The following ROBO2 variants were observed in gnomAD, a reference collection of about 807,000 sequenced individuals.
ROBO2 encodes the protein roundabout homolog 2.
A neutral mutation model predicts 160.8 loss-of-function variants in ROBO2; 53 were observed. The ratio of observed to expected loss-of-function variants is 0.33; its 90% CI spans 0.26 to 0.41. ROBO2 has a LOEUF of 0.41. Among genes scored for constraint, ROBO2 ranks in the 10% least tolerant of loss-of-function variants. The probability of loss-of-function intolerance (pLI) is 1.00; values close to 1 mark genes in which losing one functional copy is unlikely to be tolerated. For missense variants in ROBO2, 1,577 were observed against 1,722.4 expected (o/e 0.92, Z 1.49); for synonymous variants, 664 against 611.7 (o/e 1.09, Z -1.26).
intron 9 of ROBO2, 92 bp from the exon 11 acceptor site, chr3:77,562,559 T>G (rs2093355626): frequency 4.6e-6 from 4 of 864,076 alleles, no homozygotes; most frequent in Non-Finnish European, 5.7e-6. Context: ...TACATCTAAT[T>G]TTAAGAAATT....
chr3:77,629,425 G>A (rs11127601), intron 23 of ROBO2: 73,185 of 151,792 alleles, frequency 0.48, 17,892 homozygotes, highest in Middle Eastern at 0.63. Context: ...GACAGGAAAC[G>A]AAAGAAACTC....
intron 2 of ROBO2, among the ~76,000 whole-genome samples, chr3:77,138,394 T>C (rs2076445920): frequency 6.6e-6 from 1 of 152,342 alleles, no homozygotes; most frequent in South Asian, 2.1e-4. Context: ...TTTTTCTCGA[T>C]AGTAGTTTAG....
intron 2 of ROBO2, among the ~76,000 whole-genome samples, chr3:76,822,746 CA>C (rs1343060789): frequency 6.6e-6 from 1 of 151,336 alleles, no homozygotes; most frequent in East Asian, 1.9e-4. Context: ...GAAATGTGGG[CA>C]AAAAGGGGAA....
chr3:76,574,901 T>TA (rs1255129421), intron 2 of ROBO2, among the ~76,000 whole-genome samples: 1 of 152,130 alleles, frequency 6.6e-6, no homozygotes, highest in Non-Finnish European at 1.5e-5. Context: ...AAAACCTATT[T>TA]AAAAACTGTC....
chr3:76,839,544 G>C (rs191169017), intron 2 of ROBO2, among the ~76,000 whole-genome samples: 1 of 152,254 alleles, frequency 6.6e-6, no homozygotes, highest in Admixed American at 6.5e-5. Context: ...GATCTTTTTA[G>C]TGTATTGTCG....
intron 2 of ROBO2, among the ~76,000 whole-genome samples, chr3:76,227,789 A>G (rs748163462): frequency 1.3e-5 from 2 of 152,252 alleles, no homozygotes; most frequent in Admixed American, 6.5e-5. Context: ...GCTTTAACAC[A>G]TCCGCTGGGG....
intron 23 of ROBO2, among the ~76,000 whole-genome samples, chr3:77,628,081 G>A (rs996657626): frequency 2.0e-5 from 3 of 152,126 alleles, no homozygotes; most frequent in Non-Finnish European, 4.4e-5. Flanking sequence ...TACTTTAACA[G>A]CTTGAATACA....
intron 2 of ROBO2, among the ~76,000 whole-genome samples, chr3:76,391,218 T>C (rs755709169): frequency 3.9e-5 from 6 of 152,148 alleles, no homozygotes; most frequent in Non-Finnish European, 5.9e-5. Flanking sequence ...GCCGTATACA[T>C]CTGGCCATAG....
intron 2 of ROBO2, among the ~76,000 whole-genome samples, chr3:77,342,620 C>T (rs1041224852): frequency 6.6e-6 from 1 of 152,094 alleles, no homozygotes; most frequent in Non-Finnish European, 1.5e-5. Context: ...AGCTAGAAGA[C>T]TCCCCATTTG....
At chr3:76,327,821 A>G (rs1052618988) in intron 2 of ROBO2, among the ~76,000 whole-genome samples, 1 of 152,182 alleles carries the variant, frequency 6.6e-6, no homozygotes, top group Non-Finnish European at 1.5e-5. Flanking sequence ...ATATTGGATT[A>G]AAGAACATAT....
intron 1 of ROBO2, among the ~76,000 whole-genome samples, chr3:77,089,195 A>G (rs969422330): frequency 1.3e-5 from 2 of 152,222 alleles, no homozygotes; most frequent in African/African-American, 4.8e-5. Flanking sequence ...GTAAGAAGAA[A>G]AAGTCATCCT....
intron 2 of ROBO2, among the ~76,000 whole-genome samples, chr3:76,611,914 T>C (rs547234221): frequency 1.3e-5 from 2 of 152,350 alleles, no homozygotes; most frequent in Admixed American, 1.3e-4. Context: ...ACTTTCCTCT[T>C]GGTACTACTT....
chr3:76,589,950 G>A (rs2086308698), intron 2 of ROBO2, among the ~76,000 whole-genome samples: 1 of 152,044 alleles, frequency 6.6e-6, no homozygotes. Flanking sequence ...TCCACCTTTA[G>A]GCAGACAGCA....
chr3:76,474,573 G>A (rs922041328), intron 2 of ROBO2, among the ~76,000 whole-genome samples: 4 of 152,084 alleles, frequency 2.6e-5, no homozygotes, highest in African/African-American at 7.2e-5. Flanking sequence ...AGAGGAACAC[G>A]ACAATAAGTA....
intron 2 of ROBO2, among the ~76,000 whole-genome samples, chr3:76,665,231 G>A (rs1375855061): frequency 6.6e-6 from 1 of 151,948 alleles, no homozygotes; most frequent in Non-Finnish European, 1.5e-5. Flanking sequence ...GCCTGCCTAA[G>A]TTGTAAGTCC....
intron 5 of ROBO2, among the ~76,000 whole-genome samples, chr3:77,509,073 CA>C (rs1191108409): frequency 6.6e-6 from 1 of 152,010 alleles, no homozygotes; most frequent in Non-Finnish European, 1.5e-5. Flanking sequence ...GTCTGGTTTA[CA>C]TATTATCTTC....
intron 2 of ROBO2, among the ~76,000 whole-genome samples, chr3:76,001,559 G>T (rs976977689): frequency 5.3e-5 from 8 of 151,718 alleles, no homozygotes; most frequent in African/African-American, 1.7e-4. Flanking sequence ...TGTGTCTGTG[G>T]CAGGGTCTCA....
At chr3:76,853,749 G>T (rs1367917036) in intron 2 of ROBO2, among the ~76,000 whole-genome samples, 2 of 152,038 alleles carry the variant, frequency 1.3e-5, no homozygotes, top group Non-Finnish European at 2.9e-5. Context: ...TTTAAATATT[G>T]TCGTTTGTTC....
At chr3:76,929,891 G>C (rs2149045557) in intron 2 of ROBO2, among the ~76,000 whole-genome samples, 1 of 152,312 alleles carries the variant, frequency 6.6e-6, no homozygotes, top group Non-Finnish European at 1.5e-5. Context: ...CCATTCTGTG[G>C]TTTCCATTCA....
Sources: allele counts gnomAD v4.1 joint callset (sites outside exome capture counted in the v4.1 genomes callset), GRCh38; gene constraint gnomAD v4.1.1; transcripts MANE v1.5; gene names NCBI Gene and HGNC (gene_info 2026-07-23, HGNC 2026-07-21).